NBEAL1: variants seen among roughly 807,000 people sequenced by gnomAD.
NBEAL1 encodes the protein neurobeachin-like protein 1.
NBEAL1 carries 273 observed loss-of-function variants against 351.3 expected under a neutral mutation model. The ratio of observed to expected loss-of-function variants is 0.78; its 90% CI spans 0.70 to 0.86. The LOEUF is 0.86. NBEAL1 is among the 40% of genes least tolerant of loss of function. The pLI is 0.00. For synonymous variants in NBEAL1, 1,050 were observed against 1,086.4 expected, an observed-to-expected ratio of 0.97 and a Z score of 0.66; for missense variants, 2,961 against 3,201.3, an observed-to-expected ratio of 0.92 and a Z score of 1.81.
At chr2:203,170,659 A>G (rs1216330600) in intron 39 of NBEAL1, among the ~76,000 whole-genome samples, 2 of 152,212 alleles carry the variant, frequency 1.3e-5, no homozygotes, top group African/African-American at 4.8e-5. Flanking sequence ...CCACAAACAC[A>G]TTAATCTTTC....
At chr2:203,096,200 C>G (rs931453073) in intron 10 of NBEAL1, among the ~76,000 whole-genome samples, 1 of 152,164 alleles carries the variant, frequency 6.6e-6, no homozygotes, top group Non-Finnish European at 1.5e-5. Flanking sequence ...AGTAGTTTTC[C>G]TTGAAATCAG....
chr2:203,046,805 C>T (rs2061234575), intron 3 of NBEAL1, among the ~76,000 whole-genome samples: 1 of 152,132 alleles, frequency 6.6e-6, no homozygotes, highest in Non-Finnish European at 1.5e-5. Flanking sequence ...AGTTAGTTTA[C>T]AACATATGAA....
At chr2:203,187,783 C>G (rs969225843) in intron 44 of NBEAL1, among the ~76,000 whole-genome samples, 1 of 151,948 alleles carries the variant, frequency 6.6e-6, no homozygotes, top group Non-Finnish European at 1.5e-5. Context: ...TTTAACCGAT[C>G]TTACTGCTCT....
intron 2 of NBEAL1, among the ~76,000 whole-genome samples, chr2:203,029,061 C>T (rs2060907439): frequency 1.3e-5 from 2 of 152,152 alleles, no homozygotes; most frequent in Non-Finnish European, 1.5e-5. Context: ...TCTCAGCTCA[C>T]TACAACCTCC....
In NBEAL1 at chr2:203,041,809, T is replaced by C; in HGVS notation, c.96T>C (p.Ser32=). ...YLKLWLDTFV[S]SYEQFLDVDF... ...AGCTGTGGTTGGACACTTTTGTTTC[T>C]AGCTATGAACAATTTTTAGACGTTG... The change falls in exon 3 of 56, where the codon TCT becomes TCC. Residue 32 remains serine, a synonymous_variant. Coordinates refer to ENST00000683969, the MANE Select transcript of NBEAL1 (RefSeq NM_001378026.1). 1 of 1,554,320 alleles carries C rather than the reference T, an allele frequency of 6.4e-7. No individual in the cohort carries two copies. Among genetic ancestry groups the C allele is most frequent in the South Asian group, 1.2e-5 (1 of 84,346 alleles).
In NBEAL1 at chr2:203,208,824, A is replaced by C. The variant is rs541546293; in HGVS notation, c.7623+71A>C. On this transcript the variant is annotated intron_variant, in intron 52 of 55. Coordinates refer to ENST00000683969, the MANE Select transcript of NBEAL1 (RefSeq NM_001378026.1). Reference sequence around the variant, plus strand: ...TTATTACCAACACTTATAACTAAAAAGTTTTTCAGAGGAATTGATAAGAGT... The same window carrying C: ...TTATTACCAACACTTATAACTAAAACGTTTTTCAGAGGAATTGATAAGAGT... 435 of 1,122,474 alleles carry C rather than the reference A, an allele frequency of 3.9e-4. 5 individuals carry two copies. The South Asian group carries it at 6.4e-3, about 17-fold the overall frequency. The allele number at this position is 1,122,474 out of a possible 1,614,324, so 69.5% of individuals were successfully genotyped here. A position where few individuals can be genotyped will look rare whatever the true frequency, so the allele number is the denominator to read the frequency against.
At chr2:203,194,088 T>C (rs536631609) in intron 47 of NBEAL1, among the ~76,000 whole-genome samples, 177 bp downstream of exon 47, 2 of 152,340 alleles carry the variant, frequency 1.3e-5, no homozygotes, top group African/African-American at 4.8e-5. Context: ...TTTTGTTTGC[T>C]GCTGAGTGGT....
At chr2:203,158,711 T>C (rs2063862487) in intron 36 of NBEAL1, among the ~76,000 whole-genome samples, 1 of 152,148 alleles carries the variant, frequency 6.6e-6, no homozygotes, top group Non-Finnish European at 1.5e-5. Context: ...GTATCATACT[T>C]GTGCACTTTA....
intron 35 of NBEAL1, among the ~76,000 whole-genome samples, chr2:203,155,276 AT>A (rs1321764991): frequency 6.6e-6 from 1 of 151,462 alleles, no homozygotes; most frequent in Admixed American, 6.6e-5. Context: ...GATTTAAGAA[AT>A]TTTTTTTGTC....
intron 8 of NBEAL1, 127 bp from the exon 9 acceptor site, chr2:203,083,092 C>G: frequency 1.3e-6 from 1 of 767,914 alleles, no homozygotes; most frequent in Non-Finnish European, 2.0e-6. Context: ...ATCAGAGTAT[C>G]TGTTACAAAT....
chr2:203,122,326 G>T lies in NBEAL1; in HGVS notation c.2665G>T (p.Val889Leu). Residue 889 changes from valine to leucine, a missense_variant, in exon 19 of 56, where the codon GTG becomes TTG. Physicochemically the swap from Val to Leu is conservative, Grantham distance 32. Coordinates refer to ENST00000683969, the MANE Select transcript of NBEAL1 (RefSeq NM_001378026.1). The stretch of plus-strand genomic sequence containing the variant: ...TGGAAGATTAACAGGAAACAAAGTA[G>T]TGAACTGGGACATTAAGGTAAATTA... ...LHGRLTGNKVVNWDIKDIINC... is the reference protein window; with the variant it reads ...LHGRLTGNKVLNWDIKDIINC... 1 of 1,535,034 alleles carries T rather than the reference G, an allele frequency of 6.5e-7. No individual in the cohort carries two copies. The highest frequency in any genetic ancestry group is 8.8e-7 in the Non-Finnish European group (1 of 1,135,834).
chr2:203,049,819 A>G lies in NBEAL1; in HGVS notation c.149A>G (p.Asp50Gly). Residue 50 changes from aspartate (D) to glycine (G), a missense_variant, in exon 4 of 56, where the codon GAT becomes GGT. By Grantham distance (94) the Asp-to-Gly change is moderately conservative. Transcript: ENST00000683969. ...TTTTTCCCTTTCTGTTGTAGGGTAGATGATATGCCTCCAGGAATATCTCTG... is the reference window on the plus strand; with the variant it reads ...TTTTTCCCTTTCTGTTGTAGGGTAGGTGATATGCCTCCAGGAATATCTCTG... ...VDFEKLPTRV[D>G]DMPPGISLLP... The G allele has an allele frequency of 6.5e-7, 1 of 1,550,010 alleles. No individual in the cohort carries two copies. The highest frequency in any genetic ancestry group is 8.7e-7 in the Non-Finnish European group (1 of 1,145,394).
intron 23 of NBEAL1, 129 bp downstream of exon 23, chr2:203,127,055 A>G (rs1406256072): frequency 2.7e-5 from 17 of 623,816 alleles, no homozygotes; most frequent in Non-Finnish European, 4.6e-5. Flanking sequence ...GAGGTAGGAT[A>G]CAGTGGAGGT....
At chr2:203,068,982 A>G (rs967625174) in intron 7 of NBEAL1, among the ~76,000 whole-genome samples, 1 of 152,136 alleles carries the variant, frequency 6.6e-6, no homozygotes, top group Admixed American at 6.6e-5. Context: ...CACCCACCTC[A>G]GCCTCCCAAA....
rs1247966855 is a variant in NBEAL1 at position 203,099,614 on chromosome 2, C to T, written c.1186-15C>T. On this transcript the variant is annotated splice_polypyrimidine_tract_variant and intron_variant, in intron 11 of 55. Transcript: ENST00000683969. ...CACATTTGTTAATTTCTTGTTTCCC[C>T]TTCCCCCTCAATAGGTGTTTCAGGG... The T allele has an allele frequency of 6.6e-7, 1 of 1,508,882 alleles. No homozygotes were observed. Among genetic ancestry groups the T allele is most frequent in the Non-Finnish European group, 8.9e-7 (1 of 1,120,300 alleles). The allele number at this position is 1,508,882 out of a possible 1,614,324, so 93.5% of individuals were successfully genotyped here. A position where few individuals can be genotyped will look rare whatever the true frequency, so the allele number is the denominator to read the frequency against.
chr2:203,165,349 T>C (rs1434311649), intron 36 of NBEAL1, among the ~76,000 whole-genome samples: 1 of 152,248 alleles, frequency 6.6e-6, no homozygotes, highest in Non-Finnish European at 1.5e-5. Context: ...AATGCTATGA[T>C]GGTAATGCTC....
At chr2:203,039,679 C>CCA (rs1559324954) in intron 2 of NBEAL1, among the ~76,000 whole-genome samples, 4 of 152,196 alleles carry the variant, frequency 2.6e-5, no homozygotes, top group Non-Finnish European at 5.9e-5. Flanking sequence ...CTGGCATGAG[C>CCA]CACTGTGCCT....
intron 12 of NBEAL1, among the ~76,000 whole-genome samples, chr2:203,105,194 C>T (rs568406635): frequency 9.2e-5 from 14 of 151,752 alleles, no homozygotes; most frequent in East Asian, 7.9e-4. Flanking sequence ...TGGGCGCAGT[C>T]GCTCACACCT....
At chr2:203,026,036 C>T (rs780880669) in intron 2 of NBEAL1, among the ~76,000 whole-genome samples, 1 of 152,094 alleles carries the variant, frequency 6.6e-6, no homozygotes, top group Non-Finnish European at 1.5e-5. Context: ...TCTAATTCTT[C>T]TGCTTCTAGT....
Sources: gnomAD v4.1 joint callset for allele counts (sites outside exome capture counted in the v4.1 genomes callset) on GRCh38, gnomAD v4.1.1 for gene constraint, MANE v1.5 for transcripts, NCBI Gene and HGNC (gene_info 2026-07-23, HGNC 2026-07-21) for gene names.